PTPRK: variants seen among roughly 807,000 people sequenced by gnomAD.
The protein encoded by PTPRK is receptor-type tyrosine-protein phosphatase kappa.
A neutral mutation model predicts 178.0 loss-of-function variants in PTPRK; 75 were observed. The ratio of observed to expected loss-of-function variants is 0.42; its 90% confidence interval spans 0.35 to 0.51. The LOEUF (loss-of-function observed/expected upper bound fraction) is 0.51. Among genes scored for constraint, PTPRK ranks in the 20% least tolerant of loss-of-function variants. PTPRK has a pLI of 0.02. For missense variants in PTPRK, 1,441 were observed against 1,797.8 expected, an observed-to-expected ratio of 0.80 and a Z score of 3.59; for synonymous variants, 637 against 620.6, an observed-to-expected ratio of 1.03 and a Z score of -0.39.
intron 11 of PTPRK, among the ~76,000 whole-genome samples, chr6:128,075,852 GT>G (rs1783719038): frequency 6.6e-6 from 1 of 152,016 alleles, no homozygotes; most frequent in African/African-American, 2.4e-5. Flanking sequence ...TCCACTGGAG[GT>G]GGGATGAATA....
At chr6:128,393,633 AAAAG>A (rs1412581182) in intron 2 of PTPRK, among the ~76,000 whole-genome samples, 1 of 152,176 alleles carries the variant, frequency 6.6e-6, no homozygotes, top group Non-Finnish European at 1.5e-5. Context: ...CAGCAGAGGG[AAAAG>A]AACAATACAA....
chr6:128,003,356 G>A (rs1225662798), intron 15 of PTPRK: 48 of 957,064 alleles, frequency 5.0e-5, no homozygotes, highest in Non-Finnish European at 6.6e-5. Flanking sequence ...TCAGATTACT[G>A]TATTCTGCAA....
chr6:128,177,836 C>T (rs1801306694), intron 7 of PTPRK, among the ~76,000 whole-genome samples: 1 of 151,754 alleles, frequency 6.6e-6, no homozygotes. Context: ...CTCTGTCTCT[C>T]CATTTCCATA....
At chr6:128,153,893 A>T (rs888775876) in intron 7 of PTPRK, among the ~76,000 whole-genome samples, 1 of 151,956 alleles carries the variant, frequency 6.6e-6, no homozygotes, top group Non-Finnish European at 1.5e-5. Context: ...TCCAGTATAA[A>T]GGTATAGTTC....
intron 7 of PTPRK, among the ~76,000 whole-genome samples, chr6:128,127,352 A>G (rs1793550453): frequency 6.6e-6 from 1 of 152,184 alleles, no homozygotes; most frequent in Non-Finnish European, 1.5e-5. Context: ...TTAGATTGAG[A>G]TTTTGTTGAA....
chr6:128,173,259 T>C (rs1197643452), intron 7 of PTPRK, among the ~76,000 whole-genome samples: 4 of 151,998 alleles, frequency 2.6e-5, no homozygotes, highest in Non-Finnish European at 5.9e-5. Flanking sequence ...CACAAAACAA[T>C]CTGCTACATA....
At chr6:128,423,502 A>G (rs995864091) in intron 1 of PTPRK, among the ~76,000 whole-genome samples, 1 of 149,558 alleles carries the variant, frequency 6.7e-6, no homozygotes, top group African/African-American at 2.6e-5. Flanking sequence ...ATAATAGTAA[A>G]GACTTATTTC....
intron 7 of PTPRK, among the ~76,000 whole-genome samples, chr6:128,169,886 C>T (rs1213756771): frequency 6.6e-6 from 1 of 151,432 alleles, no homozygotes; most frequent in Non-Finnish European, 1.5e-5. Flanking sequence ...AAACACCAGG[C>T]ACTTTCCAGA....
intron 2 of PTPRK, among the ~76,000 whole-genome samples, chr6:128,348,933 C>A (rs1045282454): frequency 1.3e-5 from 2 of 151,934 alleles, no homozygotes; most frequent in Admixed American, 6.6e-5. Flanking sequence ...AATAAGAAAG[C>A]GAATAAAAAT....
intron 1 of PTPRK, among the ~76,000 whole-genome samples, chr6:128,452,603 T>G (rs898372165): frequency 5.3e-5 from 8 of 152,174 alleles, no homozygotes; most frequent in Admixed American, 3.9e-4. Flanking sequence ...TTCCAAATAA[T>G]GAGAAACACC....
intron 7 of PTPRK, among the ~76,000 whole-genome samples, chr6:128,099,236 G>A (rs1788406026): frequency 6.6e-6 from 1 of 150,382 alleles, no homozygotes; most frequent in Non-Finnish European, 1.5e-5. Context: ...TACTGCTTAG[G>A]TGCATAAATA....
At chr6:128,256,760 G>A (rs913292441) in intron 3 of PTPRK, among the ~76,000 whole-genome samples, 3 of 151,898 alleles carry the variant, frequency 2.0e-5, no homozygotes, top group East Asian at 3.9e-4. Context: ...TTCTATCTGG[G>A]AAAGCGGACA....
At chr6:128,512,761 C>T (rs1218781743) in intron 1 of PTPRK, among the ~76,000 whole-genome samples, 1 of 152,118 alleles carries the variant, frequency 6.6e-6, no homozygotes, top group Non-Finnish European at 1.5e-5. Context: ...TAAATATGAG[C>T]ACAAAAGATA....
chr6:127,997,477 G>A (rs1339755214), intron 16 of PTPRK, among the ~76,000 whole-genome samples: 2 of 152,080 alleles, frequency 1.3e-5, no homozygotes, highest in Middle Eastern at 3.2e-3. Context: ...AAAAGAGTGA[G>A]TCTTCACAAC....
chr6:128,037,962 T>A (rs1225266343), intron 13 of PTPRK, among the ~76,000 whole-genome samples: 1 of 152,162 alleles, frequency 6.6e-6, no homozygotes, highest in African/African-American at 2.4e-5. Flanking sequence ...ACTTTAAAAA[T>A]TTTCATGTGG....
chr6:128,254,376 T>G (rs1229687399), intron 3 of PTPRK, among the ~76,000 whole-genome samples: 1 of 152,100 alleles, frequency 6.6e-6, no homozygotes, highest in African/African-American at 2.4e-5. Flanking sequence ...TGAAAAATAT[T>G]TACGAAGAGA....
chr6:128,271,749 C>T (rs1819856499), intron 3 of PTPRK, among the ~76,000 whole-genome samples: 2 of 151,874 alleles, frequency 1.3e-5, no homozygotes, highest in Non-Finnish European at 2.9e-5. Context: ...TGGTTCTCCT[C>T]CAAGACTATA....
intron 3 of PTPRK, among the ~76,000 whole-genome samples, chr6:128,296,545 C>A (rs1474844841): frequency 6.6e-6 from 1 of 152,128 alleles, no homozygotes; most frequent in Non-Finnish European, 1.5e-5. Context: ...ACTCTACAAG[C>A]CAGAAGAGAG....
intron 5 of PTPRK, among the ~76,000 whole-genome samples, chr6:128,232,366 G>A (rs1812450211): frequency 6.6e-6 from 1 of 152,228 alleles, no homozygotes; most frequent in South Asian, 2.1e-4. Flanking sequence ...CACAGTTATA[G>A]AATCACATGT....
Sources: allele counts gnomAD v4.1 joint callset (sites outside exome capture counted in the v4.1 genomes callset), GRCh38; gene constraint gnomAD v4.1.1; transcripts MANE v1.5; gene names NCBI Gene and HGNC (gene_info 2026-07-23, HGNC 2026-07-21).